The following ADGRL3 variants were observed in gnomAD, a reference collection of about 807,000 sequenced individuals.
ADGRL3 encodes adhesion G protein-coupled receptor L3.
ADGRL3 carries 62 observed loss-of-function variants against 153.5 expected under a neutral mutation model. The observed-to-expected ratio is 0.40, with a 90% CI of 0.33 to 0.50. ADGRL3 has a LOEUF of 0.50. ADGRL3 is among the 20% of genes least tolerant of loss of function. The pLI is 0.47. For missense variants in ADGRL3, 1,641 were observed against 1,859.4 expected (o/e 0.88, Z 2.16); for synonymous variants, 710 against 672.5 (o/e 1.06, Z -0.86).
chr4:61,285,741 T>G, intron 1 of ADGRL3, among the ~76,000 whole-genome samples: 1 of 151,832 alleles, frequency 6.6e-6, no homozygotes, highest in South Asian at 2.1e-4. Context: ...CTTTTGGTGC[T>G]CTCCTTACAG....
At chr4:61,587,820 T>C (rs528141902) in intron 5 of ADGRL3, among the ~76,000 whole-genome samples, 1 of 152,068 alleles carries the variant, frequency 6.6e-6, no homozygotes, top group Admixed American at 6.6e-5. Context: ...TTTCTAACAA[T>C]GTAGGGAAAA....
At position 61,201,530 on chromosome 4, in the gene ADGRL3, G is replaced by C. The variant is rs552918392; in HGVS notation, c.-475G>C. 1 of 152,400 alleles carries C rather than the reference G, an allele frequency of 6.6e-6. No homozygotes were observed. Among genetic ancestry groups the C allele is most frequent in the African/African-American group, 2.4e-5 (1 of 41,586 alleles). The allele number at this position is 152,400 out of a possible 1,614,324, so 9.4% of individuals were successfully genotyped here. A position where few individuals can be genotyped will look rare whatever the true frequency, so the allele number is the denominator to read the frequency against. ...CTTCCCCTTTCTCCGTGGCTGTGTA[G>C]CGGAAGAAAGGGAAGAGAGACTTTT... On this transcript the variant is annotated 5_prime_UTR_variant, in exon 1 of 27. Coordinates refer to ENST00000683033, the MANE Select transcript of ADGRL3 (RefSeq NM_001387552.1).
chr4:61,730,385 A>T (rs2096418892), intron 6 of ADGRL3, among the ~76,000 whole-genome samples: 2 of 151,758 alleles, frequency 1.3e-5, no homozygotes, highest in South Asian at 2.1e-4. Flanking sequence ...AGTTTGATTA[A>T]TTTTTGCCCT....
intron 1 of ADGRL3, among the ~76,000 whole-genome samples, chr4:61,310,306 G>A (rs541284971): frequency 1.3e-5 from 2 of 152,074 alleles, no homozygotes; most frequent in Admixed American, 6.6e-5. Flanking sequence ...CATGTTTACG[G>A]AGGAATAGAG....
intron 1 of ADGRL3, among the ~76,000 whole-genome samples, chr4:61,382,168 T>A (rs2096676535): frequency 6.6e-6 from 1 of 151,846 alleles, no homozygotes; most frequent in Admixed American, 6.6e-5. Flanking sequence ...CTAGAATAGA[T>A]AATGGATTTT....
intron 2 of ADGRL3, among the ~76,000 whole-genome samples, chr4:61,445,774 A>G (rs1205615445): frequency 1.3e-5 from 2 of 152,198 alleles, no homozygotes; most frequent in African/African-American, 4.8e-5. Flanking sequence ...CCATATATTG[A>G]CATTTCAGTC....
intron 9 of ADGRL3, among the ~76,000 whole-genome samples, chr4:61,839,334 G>A (rs767655202): frequency 1.3e-5 from 2 of 151,892 alleles, no homozygotes; most frequent in African/African-American, 2.4e-5. Context: ...AGTCCCACAG[G>A]CATGCAACAC....
chr4:61,912,026 A>G (rs2098724102), intron 12 of ADGRL3, among the ~76,000 whole-genome samples: 1 of 152,196 alleles, frequency 6.6e-6, no homozygotes, highest in Admixed American at 6.5e-5. Flanking sequence ...ATGCAAACAA[A>G]CAAACAGAAA....
chr4:61,405,465 T>C (rs575038348), intron 2 of ADGRL3, among the ~76,000 whole-genome samples: 1 of 152,072 alleles, frequency 6.6e-6, no homozygotes, highest in South Asian at 2.1e-4. Context: ...TTTATGGCAA[T>C]AAAAATTTTG....
intron 6 of ADGRL3, among the ~76,000 whole-genome samples, chr4:61,721,134 A>G (rs1036194534): frequency 1.3e-5 from 2 of 152,204 alleles, no homozygotes; most frequent in African/African-American, 4.8e-5. Context: ...TAGCAACAGT[A>G]TTAAGGTTCT....
intron 17 of ADGRL3, among the ~76,000 whole-genome samples, chr4:61,971,786 G>T (rs1433443642): frequency 6.6e-6 from 1 of 152,214 alleles, no homozygotes; most frequent in Admixed American, 6.5e-5. Context: ...AGTGTAAAAT[G>T]TTCCTATTTC....
chr4:61,734,823 A>G (rs1243616041), intron 8 of ADGRL3, among the ~76,000 whole-genome samples: 1 of 152,228 alleles, frequency 6.6e-6, no homozygotes, highest in African/African-American at 2.4e-5. Flanking sequence ...GTAAAAATGT[A>G]TAACTACAAG....
At chr4:61,437,999 G>T (rs2097474218) in intron 2 of ADGRL3, among the ~76,000 whole-genome samples, 1 of 152,098 alleles carries the variant, frequency 6.6e-6, no homozygotes, top group Non-Finnish European at 1.5e-5. Flanking sequence ...ATACTTAACA[G>T]AATTTTATTA....
chr4:61,590,973 C>T (rs1156995906), intron 5 of ADGRL3, among the ~76,000 whole-genome samples: 2 of 152,040 alleles, frequency 1.3e-5, no homozygotes, highest in South Asian at 2.1e-4. Context: ...CAGAAAATTC[C>T]GTATATCATA....
At chr4:61,432,614 CTTTCTTTCTT>C (rs2097375318) in intron 2 of ADGRL3, among the ~76,000 whole-genome samples, 1 of 70,714 alleles carries the variant, frequency 1.4e-5, no homozygotes, top group Non-Finnish European at 3.0e-5. Flanking sequence ...TTCTTTCTTT[CTTTCTTTCTT>C]TCTTTCTTTC....
chr4:61,922,369 T>C (rs1229649195), intron 13 of ADGRL3, among the ~76,000 whole-genome samples: 1 of 152,208 alleles, frequency 6.6e-6, no homozygotes, highest in Non-Finnish European at 1.5e-5. Context: ...TCAAGTCTTA[T>C]AGAAAGTTCC....
chr4:61,726,600 A>AT (rs1053442936), intron 6 of ADGRL3, among the ~76,000 whole-genome samples: 2 of 152,090 alleles, frequency 1.3e-5, no homozygotes, highest in Non-Finnish European at 2.9e-5. Flanking sequence ...ACTGGTTGTG[A>AT]TTTTTTTATT....
rs551715354 is a variant in ADGRL3 at position 61,211,788 on chromosome 4, A to G, written c.-240+10023A>G. ...GACATCTAGGCTCTGTATATATGAG[A>G]AGCCACCAAATATCTGAAAGATGTC... On this transcript the variant is annotated intron_variant, in intron 1 of 26. Coordinates refer to ENST00000683033, the MANE Select transcript of ADGRL3 (RefSeq NM_001387552.1). 6 of 152,322 alleles carry G rather than the reference A, an allele frequency of 3.9e-5. 1 individual carries two copies. The South Asian group carries it at 1.2e-3, about 32-fold the overall frequency. 9.4% of individuals were successfully genotyped at this position (152,322 alleles called of 1,614,324 possible).
intron 17 of ADGRL3, among the ~76,000 whole-genome samples, chr4:61,959,899 G>GATTT (rs1190294573): frequency 6.6e-6 from 1 of 152,032 alleles, no homozygotes; most frequent in Non-Finnish European, 1.5e-5. Flanking sequence ...AGTATGGTGG[G>GATTT]ATTTAGGTGG....
Sources: gnomAD v4.1 joint callset for allele counts (sites outside exome capture counted in the v4.1 genomes callset) on GRCh38, gnomAD v4.1.1 for gene constraint, MANE v1.5 for transcripts, NCBI Gene and HGNC (gene_info 2026-07-23, HGNC 2026-07-21) for gene names.